Variants in ATP2C1 observed in about 807,000 individuals in gnomAD.
ATP2C1 encodes the protein calcium-transporting ATPase type 2C member 1.
ATP2C1 carries 31 observed loss-of-function variants against 120.5 expected under a neutral mutation model. That is an observed-to-expected ratio of 0.26 (90% confidence interval 0.19 to 0.35). ATP2C1 has a LOEUF of 0.35. Among genes scored for constraint, ATP2C1 ranks in the 10% least tolerant of loss-of-function variants. The pLI, the probability that ATP2C1 is intolerant of heterozygous loss-of-function variation, is 1.00. For missense variants in ATP2C1, 731 were observed against 1,107.5 expected (o/e 0.66, Z 4.83); for synonymous variants, 351 against 358.7 (o/e 0.98, Z 0.24).
At chr3:130,883,031 T>C (rs1412223473) in intron 1 of ATP2C1, among the ~76,000 whole-genome samples, 2 of 152,208 alleles carry the variant, frequency 1.3e-5, no homozygotes, top group Non-Finnish European at 2.9e-5. Flanking sequence ...TTGTTACTTG[T>C]TACTGTTCAG....
At chr3:130,938,521 G>C (rs1025284186) in intron 6 of ATP2C1, among the ~76,000 whole-genome samples, 1 of 152,166 alleles carries the variant, frequency 6.6e-6, no homozygotes, top group Admixed American at 6.5e-5. Flanking sequence ...TATTAGTTCT[G>C]TAGTAACCCA....
intron 8 of ATP2C1, among the ~76,000 whole-genome samples, chr3:130,942,308 G>C (rs938435335): frequency 2.6e-5 from 4 of 152,208 alleles, no homozygotes; most frequent in African/African-American, 9.7e-5. Context: ...CTTAACTTCA[G>C]ATTTTTTTGG....
chr3:130,949,409 G>A (rs546432167), intron 8 of ATP2C1, among the ~76,000 whole-genome samples: 13 of 152,220 alleles, frequency 8.5e-5, no homozygotes, highest in African/African-American at 3.1e-4. Flanking sequence ...TTCTGTGAAG[G>A]CCGAGAGAAG....
Position 130,993,928 on chromosome 3 carries a change from C to G in ATP2C1, c.1891-4C>G, listed in dbSNP as rs2062476962. 3 of 1,614,096 alleles carry G rather than the reference C, an allele frequency of 1.9e-6. No individual in the cohort carries two copies. The highest frequency in any genetic ancestry group is 1.1e-5 in the South Asian group (1 of 91,078). The stretch of plus-strand genomic sequence containing the variant: ...CCTCTCCCCTGTCCTCTGCTCCACT[C>G]TAGTCGCTACAGAAGAACGGTTCAG... On this transcript the variant is annotated splice_polypyrimidine_tract_variant and splice_region_variant and intron_variant, in intron 21 of 27. Coordinates refer to ENST00000510168, the MANE Select transcript of ATP2C1 (RefSeq NM_001378687.1).
intron 16 of ATP2C1, among the ~76,000 whole-genome samples, chr3:130,968,208 C>T (rs1228150367): frequency 6.6e-6 from 1 of 152,140 alleles, no homozygotes; most frequent in Non-Finnish European, 1.5e-5. Flanking sequence ...ATCATTTGGT[C>T]TCCTTACAAC....
At chr3:130,940,802 T>C in intron 7 of ATP2C1, 111 bp downstream of exon 7, 1 of 856,442 alleles carries the variant, frequency 1.2e-6, no homozygotes. Context: ...AGGAAGATAC[T>C]ATTAATCTGA....
intron 17 of ATP2C1, among the ~76,000 whole-genome samples, chr3:130,969,776 T>A (rs1470089374): frequency 6.6e-6 from 1 of 152,214 alleles, no homozygotes; most frequent in African/African-American, 2.4e-5. Context: ...GAATGTCTTA[T>A]CTTTAGAACA....
At chr3:130,866,446 T>TA (rs779539552) in intron 1 of ATP2C1, among the ~76,000 whole-genome samples, 6 of 152,266 alleles carry the variant, frequency 3.9e-5, no homozygotes, top group Non-Finnish European at 8.8e-5. Flanking sequence ...GAAGCTTCCC[T>TA]ACTCCTCTTC....
chr3:130,963,867 A>G (rs896711075), intron 12 of ATP2C1, 104 bp from the exon 13 acceptor site: 9 of 1,367,774 alleles, frequency 6.6e-6, no homozygotes, highest in African/African-American at 2.9e-5. Context: ...GGTATTGACT[A>G]TATTAATTTT....
intron 2 of ATP2C1, among the ~76,000 whole-genome samples, chr3:130,922,216 A>G (rs919933033): frequency 6.6e-6 from 1 of 152,130 alleles, no homozygotes; most frequent in Non-Finnish European, 1.5e-5. Context: ...GAAATTAACC[A>G]TCTCCTCTGG....
At chr3:130,999,932 A>G (rs2062808844) in intron 27 of ATP2C1, among the ~76,000 whole-genome samples, 1 of 152,182 alleles carries the variant, frequency 6.6e-6, no homozygotes, top group Non-Finnish European at 1.5e-5. Context: ...TCTAGAGTAT[A>G]GTTTATAACT....
chr3:131,005,109 CTTTTTTTT>C (rs35129703), downstream of ATP2C1, among the ~76,000 whole-genome samples: 2 of 92,640 alleles, frequency 2.2e-5, no homozygotes, highest in Non-Finnish European at 4.2e-5. Flanking sequence ...TTTGAATTGT[CTTTTTTTT>C]TTTTTTTTTT....
At chr3:130,882,215 T>C (rs531231180) in intron 1 of ATP2C1, among the ~76,000 whole-genome samples, 127 of 146,576 alleles carry the variant, frequency 8.7e-4, no homozygotes, top group Non-Finnish European at 1.6e-3. Context: ...CTTTCTTCTT[T>C]TTTTTTTTTT....
intron 2 of ATP2C1, among the ~76,000 whole-genome samples, chr3:130,915,385 C>T (rs1460077285): frequency 1.3e-5 from 2 of 152,182 alleles, no homozygotes; most frequent in East Asian, 1.9e-4. Context: ...TGAGCTACTG[C>T]GCCCGGCCTA....
At chr3:130,919,229 TC>T (rs200974310) in intron 2 of ATP2C1, 2,724 of 156,914 alleles carry the variant, frequency 0.017, 6 homozygotes, top group South Asian at 0.066. Flanking sequence ...TTTCTTTCTT[TC>T]TTTTTTTTTT....
At chr3:130,918,410 C>G (rs745552078) in intron 2 of ATP2C1, 23 of 1,132,412 alleles carry the variant, frequency 2.0e-5, no homozygotes, top group Middle Eastern at 2.8e-4. Context: ...CAGTTACCTT[C>G]TCAGCAGCAT....
chr3:130,945,758 T>G (rs1365134916), intron 8 of ATP2C1, among the ~76,000 whole-genome samples: 1 of 152,092 alleles, frequency 6.6e-6, no homozygotes, highest in African/African-American at 2.4e-5. Context: ...CTTAATCCAG[T>G]CTATCATTGA....
intron 5 of ATP2C1, among the ~76,000 whole-genome samples, chr3:130,936,383 G>T (rs7630732): frequency 5.3e-5 from 8 of 152,098 alleles, no homozygotes; most frequent in African/African-American, 1.7e-4. Flanking sequence ...AATGGATTTC[G>T]ATATAATAGA....
intron 6 of ATP2C1, among the ~76,000 whole-genome samples, chr3:130,938,197 A>G (rs2059751086): frequency 6.6e-6 from 1 of 152,246 alleles, no homozygotes; most frequent in South Asian, 2.1e-4. Context: ...CAAGATTTCT[A>G]TTAATAAGTA....
Sources: allele counts gnomAD v4.1 joint callset (sites outside exome capture counted in the v4.1 genomes callset), GRCh38; gene constraint gnomAD v4.1.1; transcripts MANE v1.5; gene names NCBI Gene and HGNC (gene_info 2026-07-23, HGNC 2026-07-21).